HBP1: variants seen among roughly 807,000 people sequenced by gnomAD.
The protein encoded by HBP1 is HMG box-containing protein 1.
A neutral mutation model predicts 62.6 loss-of-function variants in HBP1; 20 were observed. That is an observed-to-expected ratio of 0.32 (90% CI 0.22 to 0.46). The LOEUF (loss-of-function observed/expected upper bound fraction) is 0.46. Ranked by LOEUF, HBP1 falls within the 20% of genes least tolerant of loss-of-function variation. The pLI is 1.00. For missense variants in HBP1, 480 were observed against 611.8 expected, an observed-to-expected ratio of 0.78 and a Z score of 2.27; for synonymous variants, 232 against 206.2, an observed-to-expected ratio of 1.12 and a Z score of -1.07.
At chr7:107,169,716 A>C in intron 1 of HBP1, 1 of 984,472 alleles carries the variant, frequency 1.0e-6, no homozygotes, top group Admixed American at 6.1e-5. Flanking sequence ...GCTCATTGTT[A>C]CGCAGTTCGA....
chr7:107,187,262 T>C (rs1239305301), intron 6 of HBP1, among the ~76,000 whole-genome samples: 2 of 151,692 alleles, frequency 1.3e-5, no homozygotes, highest in South Asian at 2.1e-4. Context: ...AAAAAATATA[T>C]ATATATTTAT....
intron 3 of HBP1, among the ~76,000 whole-genome samples, chr7:107,184,213 T>A (rs181556134): frequency 3.3e-5 from 5 of 152,344 alleles, no homozygotes; most frequent in Admixed American, 6.5e-5. Flanking sequence ...TTGGCCATTC[T>A]CTGATACTTC....
intron 8 of HBP1, among the ~76,000 whole-genome samples, chr7:107,190,525 T>C (rs1797598027): frequency 6.6e-6 from 1 of 152,188 alleles, no homozygotes; most frequent in South Asian, 2.1e-4. Flanking sequence ...AGTTGTCATA[T>C]AGGAAAATTG....
At position 107,202,037 on chromosome 7, in the gene HBP1, G is replaced by A. The variant is rs1584513626; in HGVS notation, c.*606G>A. 1 of 152,692 alleles carries A rather than the reference G, an allele frequency of 6.5e-6. No individual in the cohort carries two copies. Among genetic ancestry groups the A allele is most frequent in the Non-Finnish European group, 1.5e-5 (1 of 68,060 alleles). The allele number at this position is 152,692 out of a possible 1,614,324, so 9.5% of individuals were successfully genotyped here. On this transcript the variant is annotated 3_prime_UTR_variant, in exon 11 of 11. Transcript: ENST00000222574. ...CCTGCTGCAGTTACCATGGCATGCTGAGTTGATGCACCAGGTGGCAGCAGC... is the reference window on the plus strand; with the variant it reads ...CCTGCTGCAGTTACCATGGCATGCTAAGTTGATGCACCAGGTGGCAGCAGC...
At chr7:107,198,864 A>G (rs1400178530) in intron 9 of HBP1, among the ~76,000 whole-genome samples, 1 of 152,228 alleles carries the variant, frequency 6.6e-6, no homozygotes, top group Non-Finnish European at 1.5e-5. Flanking sequence ...AGCATTGTGT[A>G]CATTTCATTA....
Position 107,188,449 on chromosome 7 carries a change from C to T in HBP1, c.766-843C>T, listed in dbSNP as rs893862781. On this transcript the variant is annotated intron_variant, in intron 6 of 10. Coordinates refer to ENST00000222574, the MANE Select transcript of HBP1 (RefSeq NM_012257.4). ...TGTAAAGATTTTTAAGTCATCCTCTCTTATTCATGACCTTGTTCATGCGTT... is the reference window on the plus strand; with the variant it reads ...TGTAAAGATTTTTAAGTCATCCTCTTTTATTCATGACCTTGTTCATGCGTT... Among the ~76,000 whole-genome samples, 4 of 152,274 alleles carry T rather than the reference C, an allele frequency of 2.6e-5. No individual in the cohort carries two copies. The East Asian group carries it at 5.8e-4, about 22-fold the overall frequency.
intron 3 of HBP1, among the ~76,000 whole-genome samples, chr7:107,183,826 G>A (rs1304371117): frequency 6.6e-6 from 1 of 152,166 alleles, no homozygotes; most frequent in Non-Finnish European, 1.5e-5. Context: ...CCAGCATTTT[G>A]AGTAATGCTC....
chr7:107,182,557 G>T lies in HBP1; in HGVS notation c.354G>T (p.Ala118=). The change falls in exon 3 of 11, where the codon GCG becomes GCT. Residue 118 remains alanine (A), a synonymous_variant. Transcript: ENST00000222574. ...GGCTAACAGAATTGGCAAATATCGC[G>T]ACCAGTCCACAAAGTCCACTGATGC... ...VDWLTELANI[A]TSPQSPLMQC... is the part of the protein sequence containing the mutation. 1 of 1,612,318 alleles carries T rather than the reference G, an allele frequency of 6.2e-7. No homozygotes were observed. The highest frequency in any genetic ancestry group is 1.1e-5 in the South Asian group (1 of 90,968).
intron 9 of HBP1, among the ~76,000 whole-genome samples, 169 bp from the exon 10 acceptor site, chr7:107,199,991 C>T (rs999147691): frequency 8.5e-5 from 13 of 152,158 alleles, no homozygotes; most frequent in Admixed American, 2.6e-4. Flanking sequence ...TTATTTGATT[C>T]GGGATTTTAC....
chr7:107,182,252 T>C (rs532089074), intron 2 of HBP1, 121 bp from the exon 3 acceptor site: 178 of 622,040 alleles, frequency 2.9e-4, no homozygotes, highest in Non-Finnish European at 2.1e-4. Context: ...GTTAAATTTA[T>C]GATTTTCCTC....
intron 9 of HBP1, among the ~76,000 whole-genome samples, chr7:107,199,202 C>T (rs1798079772): frequency 6.6e-6 from 1 of 152,182 alleles, no homozygotes; most frequent in South Asian, 2.1e-4. Flanking sequence ...TCTAGTGCCT[C>T]AGCCTCCCCA....
In HBP1 at chr7:107,186,416, A is replaced by C; in HGVS notation, c.596A>C (p.Asp199Ala). Residue 199 changes from aspartate (D) to alanine (A), a missense_variant, in exon 5 of 11, where the codon GAT (aspartate) becomes GCT (alanine). Asp to Ala is a moderately radical substitution (Grantham distance 126, BLOSUM62 -2). Coordinates refer to ENST00000222574, the MANE Select transcript of HBP1 (RefSeq NM_012257.4). ...IFCMSSLSDD[D>A]DLGWCNSWPS... is the part of the protein sequence containing the mutation. The stretch of plus-strand genomic sequence containing the variant: ...TGCATGTCCTCCCTGTCAGATGATG[A>C]TGATTTGGGATGGTGCAATTCCTGG... 3 of 1,613,596 alleles carry C rather than the reference A, an allele frequency of 1.9e-6. No homozygotes were observed. Among genetic ancestry groups the C allele is most frequent in the Non-Finnish European group, 2.5e-6 (3 of 1,179,552 alleles).
At position 107,200,501 on chromosome 7, in the gene HBP1, GCAA is replaced by G. The variant is rs1798190085; in HGVS notation, c.1527+201_1527+203del. 1.0e-5 allele frequency: 4 copies of G among 398,068 alleles called. No homozygotes were observed. In the East Asian group the frequency reaches 1.5e-4, roughly 15 times the overall value. 24.7% of individuals were successfully genotyped at this position (398,068 alleles called of 1,614,324 possible). On this transcript the variant is annotated intron_variant, in intron 10 of 10. Coordinates refer to ENST00000222574, the MANE Select transcript of HBP1 (RefSeq NM_012257.4). ...AAGGGTCATTTACTCTCATAGCATGGCAAGTCGAAATCTCAGGCAAACTTCAAA... is the reference window on the plus strand; with the variant it reads ...AAGGGTCATTTACTCTCATAGCATGGGTCGAAATCTCAGGCAAACTTCAAA...
At chr7:107,174,817 A>G in intron 1 of HBP1, 1 of 437,154 alleles carries the variant, frequency 2.3e-6, no homozygotes. Context: ...GAAGCATAGT[A>G]CGGATATTCA....
intron 1 of HBP1, chr7:107,173,676 T>A (rs558864090): frequency 6.6e-6 from 1 of 152,330 alleles, no homozygotes; most frequent in Admixed American, 6.5e-5. Context: ...GTCTTAAGAT[T>A]TTGTGGATAT....
At chr7:107,201,296 A>G in intron 10 of HBP1, 118 bp from the exon 11 acceptor site, 1 of 562,048 alleles carries the variant, frequency 1.8e-6, no homozygotes, top group South Asian at 3.0e-5. Flanking sequence ...ATCACCTTTA[A>G]GAAAGCAGTA....
chr7:107,189,536 A>C, intron 7 of HBP1, 88 bp downstream of exon 7: 1 of 1,015,488 alleles, frequency 9.8e-7, no homozygotes, highest in Non-Finnish European at 1.4e-6. Context: ...TGATTAAGAA[A>C]AAATTTGAGG....
intron 2 of HBP1, among the ~76,000 whole-genome samples, chr7:107,181,402 T>C (rs1797099282): frequency 6.6e-6 from 1 of 151,846 alleles, no homozygotes; most frequent in Admixed American, 6.6e-5. Context: ...AGCCCAGGGG[T>C]CCAAGGCTGC....
intron 9 of HBP1, among the ~76,000 whole-genome samples, chr7:107,199,232 T>C (rs1052078467): frequency 6.6e-6 from 1 of 152,102 alleles, no homozygotes; most frequent in African/African-American, 2.4e-5. Context: ...ATTACAGGCG[T>C]GTGCCATCAC....
Sources: allele counts gnomAD v4.1 joint callset (sites outside exome capture counted in the v4.1 genomes callset), GRCh38; gene constraint gnomAD v4.1.1; transcripts MANE v1.5; gene names NCBI Gene and HGNC (gene_info 2026-07-23, HGNC 2026-07-21).